MEOX1: variants seen among roughly 807,000 people sequenced by gnomAD.
The protein encoded by MEOX1 is homeobox protein MOX-1.
MEOX1 carries 17 observed loss-of-function variants against 23.2 expected under a neutral mutation model. The ratio of observed to expected loss-of-function variants is 0.73; its 90% CI spans 0.50 to 1.10. The LOEUF is 1.10. MEOX1 is among the 50% of genes least tolerant of loss of function. The probability of loss-of-function intolerance (pLI) is 0.00; values close to 1 mark genes in which losing one functional copy is unlikely to be tolerated. For missense variants in MEOX1, 333 were observed against 332.2 expected, an observed-to-expected ratio of 1.00 and a Z score of -0.02; for synonymous variants, 134 against 135.1, an observed-to-expected ratio of 0.99 and a Z score of 0.06.
intron 1 of MEOX1, among the ~76,000 whole-genome samples, chr17:43,653,181 C>T (rs1972950591): frequency 1.3e-5 from 2 of 148,640 alleles, no homozygotes; most frequent in African/African-American, 5.0e-5. Context: ...ACTCTGTCTC[C>T]CCAGCTGGAG....
chr17:43,661,655 A>C lies in MEOX1; in HGVS notation c.-121T>G. The C allele has an allele frequency of 1.7e-6, 1 of 587,506 alleles. No homozygotes were observed. The highest frequency in any genetic ancestry group is 2.6e-6 in the Non-Finnish European group (1 of 378,832). 36.4% of individuals were successfully genotyped at this position (587,506 alleles called of 1,614,324 possible). On this transcript the variant is annotated 5_prime_UTR_variant, in exon 1 of 3. The change creates a new upstream start codon in the 5' untranslated region. Coordinates refer to ENST00000318579, the MANE Select transcript of MEOX1 (RefSeq NM_004527.4). ...TAGGAGGGAAAAATGTTCAACAGAA[A>C]ATTTACCCCAGGAACCAAAAAAAAA...
intron 1 of MEOX1, among the ~76,000 whole-genome samples, chr17:43,648,479 A>G (rs868394632): frequency 2.7e-4 from 41 of 151,922 alleles, no homozygotes; most frequent in African/African-American, 6.7e-4. Context: ...AAAAAAAAAA[A>G]AAAAGAAAAG....
chr17:43,657,000 CTTTCTTTCTTTCTCTTTCTT>C (rs1567748181), intron 1 of MEOX1, among the ~76,000 whole-genome samples: 102 of 122,144 alleles, frequency 8.4e-4, no homozygotes, highest in African/African-American at 4.1e-3. Flanking sequence ...CTTTCTTTTT[CTTTCTTTCTTTCTCTTTCTT>C]TCTTTCTTTC....
intron 1 of MEOX1, among the ~76,000 whole-genome samples, chr17:43,657,036 T>TTC (rs368648323): frequency 7.2e-6 from 1 of 139,456 alleles, no homozygotes; most frequent in Non-Finnish European, 1.6e-5. Flanking sequence ...CTTTCTTTCT[T>TTC]TCTTTCTTTC....
intron 1 of MEOX1, among the ~76,000 whole-genome samples, chr17:43,659,414 T>TA (rs1973099613): frequency 6.6e-6 from 1 of 152,032 alleles, no homozygotes; most frequent in Non-Finnish European, 1.5e-5. Context: ...GCTGCTAGAG[T>TA]TCCTATCTCC....
At chr17:43,648,009 A>C (rs945617636) in intron 1 of MEOX1, among the ~76,000 whole-genome samples, 4 of 152,248 alleles carry the variant, frequency 2.6e-5, no homozygotes, top group African/African-American at 9.6e-5. Flanking sequence ...GAAGCAAGCT[A>C]TGAAAGTTGA....
At position 43,643,664 on chromosome 17, in the gene MEOX1, G is replaced by C. The variant is rs1972747062; in HGVS notation, c.470-4C>G. 1.9e-6 allele frequency: 3 copies of C among 1,611,300 alleles called. No homozygotes were observed. The highest frequency in any genetic ancestry group is 1.7e-5 in the Admixed American group (1 of 59,836). ...TTCCCTCTGTTCTCCTGGTTGTCTG[G>C]GGAGAGAGGACCCCAAACAGGAAGA... On this transcript the variant is annotated splice_region_variant and splice_polypyrimidine_tract_variant and intron_variant, in intron 1 of 2. Coordinates refer to ENST00000318579, the MANE Select transcript of MEOX1 (RefSeq NM_004527.4).
At position 43,661,525 on chromosome 17, in the gene MEOX1, C is replaced by T. The variant is rs758959698; in HGVS notation, c.10G>A (p.Ala4Thr). 31 of 1,562,730 alleles carry T rather than the reference C, an allele frequency of 2.0e-5. No homozygotes were observed. The highest frequency in any genetic ancestry group is 4.6e-5 in the East Asian group (2 of 43,642). Reference sequence around the variant, plus strand: ...AGGCTCCTCATGCAGCTGCTGGCCGCGGGATCCATCTGCTGTCCGCTGCAC... The same window carrying T: ...AGGCTCCTCATGCAGCTGCTGGCCGTGGGATCCATCTGCTGTCCGCTGCAC... MDP[A>T]ASSCMRSLQP... Residue 4 changes from alanine to threonine, a missense_variant, in exon 1 of 3, where the codon GCG becomes ACG. Physicochemically the swap from Ala to Thr is moderately conservative, Grantham distance 58 (BLOSUM62 0). Coordinates refer to ENST00000318579, the MANE Select transcript of MEOX1 (RefSeq NM_004527.4).
intron 1 of MEOX1, among the ~76,000 whole-genome samples, chr17:43,645,514 C>T (rs1972790971): frequency 6.6e-6 from 1 of 152,120 alleles, no homozygotes; most frequent in South Asian, 2.1e-4. Flanking sequence ...GCTGTGGCTC[C>T]GAGTGAGGTG....
intron 1 of MEOX1, among the ~76,000 whole-genome samples, chr17:43,654,790 C>T (rs1321094321): frequency 6.6e-6 from 1 of 152,146 alleles, no homozygotes; most frequent in Admixed American, 6.5e-5. Context: ...CAGTGACTCA[C>T]ACCTGTAATC....
intron 1 of MEOX1, among the ~76,000 whole-genome samples, chr17:43,653,419 C>T (rs949925742): frequency 5.9e-5 from 9 of 151,790 alleles, no homozygotes; most frequent in East Asian, 1.9e-4. Flanking sequence ...GGATTACAGG[C>T]GTGAGCCACC....
intron 1 of MEOX1, among the ~76,000 whole-genome samples, chr17:43,644,181 G>C (rs1972759224): frequency 6.6e-6 from 1 of 152,204 alleles, no homozygotes; most frequent in South Asian, 2.1e-4. Context: ...GATGCGTCTG[G>C]TGCACAGTCA....
chr17:43,653,162 C>T (rs373129043), intron 1 of MEOX1, among the ~76,000 whole-genome samples: 24 of 133,930 alleles, frequency 1.8e-4, no homozygotes, highest in East Asian at 4.4e-4. Context: ...TTTTTTGAGA[C>T]GGAATCTCAC....
Position 43,657,013 on chromosome 17 carries a change from T to C in MEOX1, c.469+4053A>G, listed in dbSNP as rs544632204. ...TTCTTTCTTTTTCTTTCTTTCTTTC[T>C]CTTTCTTTCTTTCTTTCTTTCTTTC... On this transcript the variant is annotated intron_variant, in intron 1 of 2. Transcript: ENST00000318579. 6.1e-4 allele frequency among the ~76,000 whole-genome samples: 5 copies of C among 8,192 alleles called. No homozygotes were observed. In the East Asian group the frequency reaches 0.036, roughly 59 times the overall value. The allele number at this position is 8,192 out of a possible 152,430, so 5.4% of individuals were successfully genotyped here. A position where few individuals can be genotyped will look rare whatever the true frequency, so the allele number is the denominator to read the frequency against.
At chr17:43,643,771 G>T in intron 1 of MEOX1, 111 bp from the exon 2 acceptor site, 2 of 749,542 alleles carry the variant, frequency 2.7e-6, no homozygotes, top group Non-Finnish European at 4.1e-6. Flanking sequence ...TATTTTTACA[G>T]GATGCTGAGA....
Position 43,641,614 on chromosome 17 carries a change from G to A in MEOX1, c.*296C>T, listed in dbSNP as rs910664619. ...GCATGGGTGGCAGCCAAGAGACGCT[G>A]AGAAGCAGTATCTCTGAAGCTGTTT... On this transcript the variant is annotated 3_prime_UTR_variant, in exon 3 of 3. Coordinates refer to ENST00000318579, the MANE Select transcript of MEOX1 (RefSeq NM_004527.4). 3 of 262,864 alleles carry A rather than the reference G, an allele frequency of 1.1e-5. No individual in the cohort carries two copies. Among genetic ancestry groups the A allele is most frequent in the Non-Finnish European group, 2.2e-5 (3 of 138,250 alleles). The allele number at this position is 262,864 out of a possible 1,614,324, so 16.3% of individuals were successfully genotyped here. A position where few individuals can be genotyped will look rare whatever the true frequency, so the allele number is the denominator to read the frequency against.
chr17:43,654,464 C>T (rs1001244259), intron 1 of MEOX1, among the ~76,000 whole-genome samples: 14 of 151,956 alleles, frequency 9.2e-5, no homozygotes, highest in African/African-American at 2.4e-4. Context: ...GCCGTGATCA[C>T]GCCATTGTGC....
At chr17:43,646,426 C>G (rs145436891) in intron 1 of MEOX1, among the ~76,000 whole-genome samples, 1 of 152,176 alleles carries the variant, frequency 6.6e-6, no homozygotes, top group Non-Finnish European at 1.5e-5. Context: ...CGGGCGCGGT[C>G]GGGGACTGGT....
At chr17:43,655,625 A>C (rs1598266321) in intron 1 of MEOX1, among the ~76,000 whole-genome samples, 1 of 147,238 alleles carries the variant, frequency 6.8e-6, no homozygotes, top group South Asian at 2.2e-4. Flanking sequence ...TGAGTTCAAC[A>C]CCTGCCTCGG....
Sources: allele counts gnomAD v4.1 joint callset (sites outside exome capture counted in the v4.1 genomes callset), GRCh38; gene constraint gnomAD v4.1.1; transcripts MANE v1.5; gene names NCBI Gene and HGNC (gene_info 2026-07-23, HGNC 2026-07-21).